Variants in ERCC8 observed in about 807,000 individuals in gnomAD.
ERCC8 encodes ERCC excision repair 8, CSA ubiquitin ligase complex subunit, also known as DNA excision repair protein ERCC-8.
ERCC8 carries 52 observed loss-of-function variants against 54.9 expected under a neutral mutation model. The observed-to-expected ratio is 0.95, with a 90% CI of 0.76 to 1.19. ERCC8 has a LOEUF of 1.19. Among genes scored for constraint, ERCC8 ranks in the 50% most tolerant of loss-of-function variants. The pLI is 0.00. For missense variants in ERCC8, 514 were observed against 466.1 expected (o/e 1.10, Z -0.95); for synonymous variants, 146 against 157.2 (o/e 0.93, Z 0.53).
At chr5:60,918,415 T>C (rs747764419) in intron 3 of ERCC8, 27 bp from the exon 4 acceptor site, 2 of 1,599,428 alleles carry the variant, frequency 1.3e-6, no homozygotes, top group East Asian at 2.2e-5. Flanking sequence ...AAAATTTACA[T>C]TAACTGACTT....
intron 4 of ERCC8, among the ~76,000 whole-genome samples, chr5:60,908,110 T>G (rs752916511): frequency 6.6e-6 from 1 of 152,212 alleles, no homozygotes; most frequent in Non-Finnish European, 1.5e-5. Context: ...TATTTATCTT[T>G]GTCTTCATGG....
At chr5:60,914,794 A>AG (rs1277304656) in intron 4 of ERCC8, among the ~76,000 whole-genome samples, 2 of 151,262 alleles carry the variant, frequency 1.3e-5, no homozygotes, top group Admixed American at 6.6e-5. Flanking sequence ...TCTCTTAAAA[A>AG]AAAAAAAAAA....
chr5:60,896,164 T>C (rs748953999), intron 9 of ERCC8, among the ~76,000 whole-genome samples: 3 of 151,932 alleles, frequency 2.0e-5, no homozygotes, highest in Non-Finnish European at 4.4e-5. Context: ...TTTGTACTTT[T>C]AGTAGAGATG....
Position 60,872,407 on chromosome 5 carries a change from TA to T in ERCC8, c.*2207del, listed in dbSNP as rs1299757020. ...GAAAAAATATTAACTATAGATCTGA[TA>T]GGGGGTTAATATCCAAAATACATAA... is the stretch of plus-strand genomic sequence containing the variant. On this transcript the variant is annotated 3_prime_UTR_variant, in exon 12 of 12. Transcript: ENST00000676185. Among the ~76,000 whole-genome samples the T allele has an allele frequency of 1.3e-5, 2 of 152,028 alleles. No individual in the cohort carries two copies. Among genetic ancestry groups the T allele is most frequent in the Non-Finnish European group, 1.5e-5 (1 of 67,982 alleles).
chr5:60,890,838 G>T, intron 10 of ERCC8, 51 bp downstream of exon 10: 1 of 1,294,938 alleles, frequency 7.7e-7, no homozygotes, highest in Non-Finnish European at 1.1e-6. Context: ...ACATATAACT[G>T]GTCTGGCAAG....
Position 60,895,368 on chromosome 5 carries a change from C to A in ERCC8, c.843+2908G>T, listed in dbSNP as rs190439270. Among the ~76,000 whole-genome samples, 38 of 152,174 alleles carry A rather than the reference C, an allele frequency of 2.5e-4. No individual in the cohort carries two copies. The East Asian group carries it at 5.8e-3, about 23-fold the overall frequency. On this transcript the variant is annotated intron_variant, in intron 9 of 11. Transcript: ENST00000676185. ...AGAAATGGGTACATGCATTTAGCTACCTCATGGCAGTAGCAGTATAGTGGG... is the reference window on the plus strand; with the variant it reads ...AGAAATGGGTACATGCATTTAGCTAACTCATGGCAGTAGCAGTATAGTGGG...
At chr5:60,894,830 T>A (rs980818327) in intron 9 of ERCC8, among the ~76,000 whole-genome samples, 1 of 152,154 alleles carries the variant, frequency 6.6e-6, no homozygotes, top group Non-Finnish European at 1.5e-5. Flanking sequence ...ATCATGATCA[T>A]GCATATCAAC....
rs141898557 is a variant in ERCC8, at chr5:60,887,494, G to T, written c.1068C>A (p.Cys356Ter). 4.6e-5 allele frequency: 75 copies of T among 1,613,766 alleles called. No individual in the cohort carries two copies. Among genetic ancestry groups the T allele is most frequent in the Non-Finnish European group, 6.3e-5 (74 of 1,179,824 alleles). The change falls in exon 11 of 12, where the codon TGC (cysteine) becomes TGA (stop). Residue 356 changes from cysteine (C) to a stop codon, truncating the protein, a stop_gained. Transcript: ENST00000676185. LOFTEE classifies it high-confidence loss of function. Reference sequence around the variant, plus strand: ...AGGATGGAACCCAAGCCAGAATGTTGCAGTCTCTGCTACCACTATAAAGTT... The same window carrying T: ...AGGATGGAACCCAAGCCAGAATGTTTCAGTCTCTGCTACCACTATAAAGTT... ...FQELYSGSRD[C>*]NILAWVPSLY...
intron 2 of ERCC8, 27 bp downstream of exon 2, chr5:60,928,837 A>T: frequency 7.9e-7 from 1 of 1,259,340 alleles, no homozygotes; most frequent in East Asian, 2.3e-5. Flanking sequence ...AGAAAGAAAA[A>T]TGATTATACA....
chr5:60,884,786 T>C (rs73112244), intron 11 of ERCC8, among the ~76,000 whole-genome samples: 9,771 of 152,094 alleles, frequency 0.064, 1,095 homozygotes, highest in African/African-American at 0.22. Flanking sequence ...CATTTTATAT[T>C]AATATGAGAA....
At chr5:60,898,760 G>A in intron 8 of ERCC8, among the ~76,000 whole-genome samples, 1 of 146,180 alleles carries the variant, frequency 6.8e-6, no homozygotes. Flanking sequence ...TCATTCTATG[G>A]ACTATTAAAA....
At chr5:60,938,087 T>A (rs549300331) in intron 1 of ERCC8, among the ~76,000 whole-genome samples, 232 of 25,132 alleles carry the variant, frequency 9.2e-3, no homozygotes, top group East Asian at 0.04. Context: ...ATATATATAT[T>A]TTATTTTTTT....
chr5:60,876,293 G>T (rs1021635317), intron 11 of ERCC8, among the ~76,000 whole-genome samples: 1 of 152,144 alleles, frequency 6.6e-6, no homozygotes, highest in Admixed American at 6.5e-5. Context: ...TGGACATTTG[G>T]GTTGGTTCCA....
chr5:60,944,731 C>CA (rs1750381191), intron 1 of ERCC8, among the ~76,000 whole-genome samples: 1 of 124,772 alleles, frequency 8.0e-6, no homozygotes, highest in East Asian at 2.7e-4. Context: ...CGGGGAACCC[C>CA]CCCCACCCCC....
intron 11 of ERCC8, among the ~76,000 whole-genome samples, 168 bp from the exon 12 acceptor site, chr5:60,874,851 CAATAT>C (rs1235815629): frequency 1.3e-5 from 2 of 152,130 alleles, no homozygotes; most frequent in Non-Finnish European, 2.9e-5. Flanking sequence ...AACCCATATA[CAATAT>C]AAGATAATGT....
Position 60,874,688 on chromosome 5 carries a change from A to C in ERCC8, c.1123-5T>G, listed in dbSNP as rs1249404861. 4 of 1,588,388 alleles carry C rather than the reference A, an allele frequency of 2.5e-6. No homozygotes were observed. Among genetic ancestry groups the C allele is most frequent in the Non-Finnish European group, 3.4e-6 (4 of 1,168,298 alleles). ...TAATTGTGATTTTGTTGTAGTCTAA[A>C]AAAAAAAAAGATAAAGAAAAAGGAA... On this transcript the variant is annotated splice_polypyrimidine_tract_variant and splice_region_variant and intron_variant, in intron 11 of 11. Coordinates refer to ENST00000676185, the MANE Select transcript of ERCC8 (RefSeq NM_000082.4).
rs746320526 is a variant in ERCC8, at chr5:60,873,088, T to C, written c.*1527A>G. ...AGGGGGAATTAGTGCAAGAGACCTA[T>C]TGCACAACATAGTAACTATAGTTAC... is the stretch of plus-strand genomic sequence containing the variant. On this transcript the variant is annotated 3_prime_UTR_variant, in exon 12 of 12. Transcript: ENST00000676185. Among the ~76,000 whole-genome samples, 1 of 152,194 alleles carries C rather than the reference T, an allele frequency of 6.6e-6. No individual in the cohort carries two copies. The highest frequency in any genetic ancestry group is 1.5e-5 in the Non-Finnish European group (1 of 68,044).
At chr5:60,876,995 G>A (rs1468186749) in intron 11 of ERCC8, among the ~76,000 whole-genome samples, 1 of 151,978 alleles carries the variant, frequency 6.6e-6, no homozygotes, top group Non-Finnish European at 1.5e-5. Flanking sequence ...GTTTTCTTCT[G>A]GGGTTTTTAT....
intron 1 of ERCC8, among the ~76,000 whole-genome samples, chr5:60,938,642 C>T (rs1580052412): frequency 6.6e-6 from 1 of 152,234 alleles, no homozygotes; most frequent in Admixed American, 6.5e-5. Flanking sequence ...GCGTGAGCCA[C>T]AGCGCCCGGC....
Sources: gnomAD v4.1 joint callset for allele counts (sites outside exome capture counted in the v4.1 genomes callset) on GRCh38, gnomAD v4.1.1 for gene constraint, MANE v1.5 for transcripts, NCBI Gene and HGNC (gene_info 2026-07-23, HGNC 2026-07-21) for gene names.